ZNF346: variants seen among roughly 807,000 people sequenced by gnomAD.
ZNF346 encodes zinc finger protein 346, also known as double-stranded RNA-binding zinc finger protein JAZ.
A neutral mutation model predicts 33.7 loss-of-function variants in ZNF346; 23 were observed. The observed-to-expected ratio is 0.68, with a 90% CI of 0.49 to 0.97. ZNF346 has a LOEUF of 0.97. ZNF346 is among the 50% of genes least tolerant of loss of function. ZNF346 has a pLI of 0.00. For missense variants in ZNF346, 340 were observed against 371.1 expected, an observed-to-expected ratio of 0.92 and a Z score of 0.69; for synonymous variants, 134 against 142.4, an observed-to-expected ratio of 0.94 and a Z score of 0.42.
At chr5:177,026,352 ATTTTTTTTTT>A (rs59380094) in intron 1 of ZNF346, among the ~76,000 whole-genome samples, 2 of 101,900 alleles carry the variant, frequency 2.0e-5, no homozygotes, top group Admixed American at 1.1e-4. Flanking sequence ...TGGATTGGTA[ATTTTTTTTTT>A]TTTTTTTTTT....
intron 4 of ZNF346, among the ~76,000 whole-genome samples, chr5:177,047,506 TG>T (rs992521735): frequency 6.6e-6 from 1 of 151,744 alleles, no homozygotes; most frequent in African/African-American, 2.4e-5. Context: ...ACCCGGCTAA[TG>T]TTGTTTTTTT....
chr5:177,042,867 A>G (rs1779526360), intron 3 of ZNF346, among the ~76,000 whole-genome samples: 1 of 152,086 alleles, frequency 6.6e-6, no homozygotes, highest in African/African-American at 2.4e-5. Flanking sequence ...AGTAGCTAGG[A>G]CTACAGGCAC....
At chr5:177,073,448 C>T (rs1038536178) in intron 8 of ZNF346, among the ~76,000 whole-genome samples, 1 of 152,100 alleles carries the variant, frequency 6.6e-6, no homozygotes, top group Non-Finnish European at 1.5e-5. Flanking sequence ...GGACTACAGG[C>T]GCACACCACC....
At chr5:177,071,270 C>T (rs1489173448), downstream of ZNF346, among the ~76,000 whole-genome samples, 2 of 151,770 alleles carry the variant, frequency 1.3e-5, no homozygotes, top group South Asian at 2.1e-4. Flanking sequence ...GTGTGGTGCA[C>T]GTGCCTGCAA....
At chr5:177,041,028 T>C (rs1779267242) in intron 1 of ZNF346, 98 bp from the exon 2 acceptor site, 4 of 897,196 alleles carry the variant, frequency 4.5e-6, no homozygotes, top group Non-Finnish European at 7.3e-6. Context: ...TAGTATGGCA[T>C]CCCATCATTC....
intron 5 of ZNF346, among the ~76,000 whole-genome samples, chr5:177,057,082 G>A (rs190351704): frequency 7.2e-5 from 11 of 152,122 alleles, no homozygotes; most frequent in African/African-American, 2.2e-4. Flanking sequence ...AGGCCGAGGC[G>A]GGTGGATCAT....
At chr5:177,024,348 CCATGACGCT>C (rs1225790972) in intron 1 of ZNF346, among the ~76,000 whole-genome samples, 1 of 151,806 alleles carries the variant, frequency 6.6e-6, no homozygotes, top group Non-Finnish European at 1.5e-5. Context: ...CAGGCTGCTG[CCATGACGCT>C]CAGCTGATTT....
intron 1 of ZNF346, 30 bp from the exon 2 acceptor site, chr5:177,041,096 C>G: frequency 1.3e-6 from 2 of 1,554,500 alleles, no homozygotes; most frequent in Non-Finnish European, 1.8e-6. Flanking sequence ...TGTTTGTCAA[C>G]TCAATGATTT....
In ZNF346 at chr5:177,041,260, C is replaced by G. The variant is rs775740959; in HGVS notation, c.279+31C>G. 3.2e-5 allele frequency: 49 copies of G among 1,547,406 alleles called. No individual in the cohort carries two copies. In the Admixed American group the frequency reaches 7.9e-4, roughly 25 times the overall value. ...CCATCATACTTTTAGAACTGCGTTT[C>G]TTTTCAGACCTGGTGCCAAACCACT... On this transcript the variant is annotated intron_variant, in intron 2 of 6. Transcript: ENST00000358149.
At chr5:177,060,308 G>A (rs1054068328) in intron 5 of ZNF346, among the ~76,000 whole-genome samples, 1 of 152,294 alleles carries the variant, frequency 6.6e-6, no homozygotes, top group African/African-American at 2.4e-5. Flanking sequence ...GGATCATGAG[G>A]TCAGGAGTTT....
At chr5:177,039,100 A>G (rs1277390819) in intron 1 of ZNF346, among the ~76,000 whole-genome samples, 1 of 151,868 alleles carries the variant, frequency 6.6e-6, no homozygotes, top group Non-Finnish European at 1.5e-5. Flanking sequence ...CATGTTGGCC[A>G]GGCTGGTCTC....
Position 177,077,536 on chromosome 5 carries a change from C to T in ZNF346, c.*3-1846C>T, listed in dbSNP as rs186419123. On this transcript the variant is annotated intron_variant, in intron 8 of 8. Transcript: ENST00000503039. The surrounding 1 kb of genome is among the most constrained non-coding windows in gnomAD (Gnocchi z 5.0). ...AAGCAACTCTAGGCATCCCTATTCA[C>T]AGCTCAGCTTCTCAGAGAGTTGGTT... Among the ~76,000 whole-genome samples the T allele has an allele frequency of 1.2e-4, 18 of 152,322 alleles. No homozygotes were observed. In the East Asian group the frequency reaches 2.9e-3, roughly 24 times the overall value.
chr5:177,070,672 A>G (rs375258291), downstream of ZNF346, among the ~76,000 whole-genome samples: 1 of 152,154 alleles, frequency 6.6e-6, no homozygotes, highest in African/African-American at 2.4e-5. Flanking sequence ...TGCTCTTTCT[A>G]TTGTTGACCT....
At chr5:177,045,592 G>A (rs1429403441) in intron 4 of ZNF346, among the ~76,000 whole-genome samples, 3 of 152,118 alleles carry the variant, frequency 2.0e-5, no homozygotes, top group East Asian at 1.9e-4. Flanking sequence ...TCCTGACCTC[G>A]TGATCCACCT....
rs962212939 is a variant in ZNF346 at position 177,067,225 on chromosome 5, A to G, written c.*2626A>G. 6.6e-6 allele frequency among the ~76,000 whole-genome samples: 1 copy of G among 152,238 alleles called. No homozygotes were observed. Among genetic ancestry groups the G allele is most frequent in the African/African-American group, 2.4e-5 (1 of 41,464 alleles). ...GCCACTGTACTCCAGCCTGGACAAC[A>G]GAGCAAGACCCTGTCTCTAAAAATA... On this transcript the variant is annotated 3_prime_UTR_variant, in exon 7 of 7. Coordinates refer to ENST00000358149, the MANE Select transcript of ZNF346 (RefSeq NM_012279.4).
intron 1 of ZNF346, among the ~76,000 whole-genome samples, chr5:177,039,455 C>CT (rs530601888): frequency 5.6e-4 from 81 of 145,538 alleles, no homozygotes; most frequent in East Asian, 1.2e-3. Context: ...AGGGCATCGA[C>CT]TTTTTTTTTT....
chr5:177,054,620 T>G (rs1781423045), intron 5 of ZNF346, among the ~76,000 whole-genome samples: 1 of 150,556 alleles, frequency 6.6e-6, no homozygotes, highest in Non-Finnish European at 1.5e-5. Context: ...AGGCTGGTCT[T>G]GAACTCCTGA....
chr5:177,060,629 T>C (rs1214118189), intron 5 of ZNF346, among the ~76,000 whole-genome samples: 2 of 151,766 alleles, frequency 1.3e-5, no homozygotes, highest in Admixed American at 6.6e-5. Flanking sequence ...CTGGCCAACA[T>C]AGTGAAACCC....
rs1190591359 is a variant in ZNF346 at position 177,077,875 on chromosome 5, G to A, written c.*3-1507G>A. Among the ~76,000 whole-genome samples the A allele has an allele frequency of 5.3e-5, 8 of 152,190 alleles. No homozygotes were observed. The East Asian group carries it at 7.7e-4, about 15-fold the overall frequency. Reference sequence around the variant, plus strand: ...GAAAAAGGAATGCCTGGCCAGGCGCGGTGGCTCACGCCTGTAATCCCAGCA... The same window carrying A: ...GAAAAAGGAATGCCTGGCCAGGCGCAGTGGCTCACGCCTGTAATCCCAGCA... On this transcript the variant is annotated intron_variant, in intron 8 of 8. Coordinates refer to the ZNF346 transcript ENST00000503039. This position sits in a 1 kb window ranked among gnomAD's most constrained non-coding sequence, Gnocchi z 5.0.
Sources: gnomAD v4.1 joint callset for allele counts (sites outside exome capture counted in the v4.1 genomes callset) on GRCh38, gnomAD v4.1.1 for gene constraint, Gnocchi (gnomAD v3.1) non-coding constraint, MANE v1.5 for transcripts, NCBI Gene and HGNC (gene_info 2026-07-23, HGNC 2026-07-21) for gene names.